The following PPP2R5A variants were observed in gnomAD, a reference collection of about 807,000 sequenced individuals.
The protein encoded by PPP2R5A is protein phosphatase 2 regulatory subunit B'alpha, also known as serine/threonine-protein phosphatase 2A 56 kDa regulatory subunit alpha isoform.
Under a neutral mutation model 64.2 loss-of-function variants are expected in PPP2R5A, and 25 were observed. The ratio of observed to expected loss-of-function variants is 0.39; its 90% CI spans 0.28 to 0.54. PPP2R5A has a LOEUF of 0.54. Among genes scored for constraint, PPP2R5A ranks in the 20% least tolerant of loss-of-function variants. The pLI, the probability that PPP2R5A is intolerant of heterozygous loss-of-function variation, is 0.67. For missense variants in PPP2R5A, 425 were observed against 576.3 expected, an observed-to-expected ratio of 0.74 and a Z score of 2.69; for synonymous variants, 198 against 201.2, an observed-to-expected ratio of 0.98 and a Z score of 0.13.
chr1:212,321,141 C>T (rs1201474468), intron 1 of PPP2R5A, among the ~76,000 whole-genome samples: 7 of 115,494 alleles, frequency 6.1e-5, no homozygotes, highest in African/African-American at 1.3e-4. Context: ...TAGGGGCGGC[C>T]GGCAGAGGCG....
At chr1:212,320,911 C>T (rs1460822230) in intron 1 of PPP2R5A, among the ~76,000 whole-genome samples, 13 of 119,952 alleles carry the variant, frequency 1.1e-4, no homozygotes, top group East Asian at 5.5e-4. Flanking sequence ...CCTCACCTCC[C>T]GGACGGGGCG....
intron 1 of PPP2R5A, among the ~76,000 whole-genome samples, chr1:212,295,338 A>AT (rs1046576906): frequency 6.6e-6 from 1 of 152,232 alleles, no homozygotes; most frequent in Non-Finnish European, 1.5e-5. Context: ...ATAGCAGTTT[A>AT]TTGAAAGGGA....
At chr1:212,298,810 T>C (rs1571575415) in intron 1 of PPP2R5A, among the ~76,000 whole-genome samples, 1 of 30,248 alleles carries the variant, frequency 3.3e-5, no homozygotes, top group Non-Finnish European at 6.0e-5. Flanking sequence ...GGGTCCTCAC[T>C]TCCCAGTAGG....
intron 1 of PPP2R5A, among the ~76,000 whole-genome samples, chr1:212,314,046 G>T (rs900102999): frequency 6.6e-6 from 1 of 152,106 alleles, no homozygotes; most frequent in Non-Finnish European, 1.5e-5. Flanking sequence ...TACATTTCAA[G>T]AATGTTTTAT....
At position 212,347,526 on chromosome 1, in the gene PPP2R5A, G is replaced by A. The variant is rs1231351558; in HGVS notation, c.764+120G>A. The A allele has an allele frequency of 4.4e-6, 3 of 686,016 alleles. No homozygotes were observed. The African/African-American group carries it at 5.7e-5, about 13-fold the overall frequency. The allele number at this position is 686,016 out of a possible 1,614,324, so 42.5% of individuals were successfully genotyped here. On this transcript the variant is annotated intron_variant, in intron 6 of 12. Transcript: ENST00000261461. ...TTAGAGTTTAAATGTAGAACACATAGTTTCTCAACTGAAGTCTTTTTTTTT... is the reference window on the plus strand; with the variant it reads ...TTAGAGTTTAAATGTAGAACACATAATTTCTCAACTGAAGTCTTTTTTTTT...
At chr1:212,322,246 AGGGAGAGGGAGAGGGAGAG>A (rs1659317279) in intron 1 of PPP2R5A, among the ~76,000 whole-genome samples, 1 of 94,148 alleles carries the variant, frequency 1.1e-5, no homozygotes, top group Non-Finnish European at 2.0e-5. Flanking sequence ...GAGGGAGAGG[AGGGAGAGGGAGAGGGAGAG>A]GAGGGAGAGG....
At chr1:212,317,089 A>T (rs570061423) in intron 1 of PPP2R5A, among the ~76,000 whole-genome samples, 5 of 152,236 alleles carry the variant, frequency 3.3e-5, no homozygotes, top group South Asian at 2.1e-4. Flanking sequence ...CCTTGCCTGT[A>T]TTCCCCCTTT....
chr1:212,355,269 T>C (rs1659958845), intron 8 of PPP2R5A, among the ~76,000 whole-genome samples: 1 of 152,162 alleles, frequency 6.6e-6, no homozygotes, highest in African/African-American at 2.4e-5. Context: ...CTACTCACTC[T>C]AGTAACTTGC....
At chr1:212,342,042 T>C (rs1659694272) in intron 3 of PPP2R5A, 146 bp from the exon 4 acceptor site, 7 of 1,220,098 alleles carry the variant, frequency 5.7e-6, no homozygotes, top group Non-Finnish European at 7.6e-6. Context: ...AAAAAAATTT[T>C]TTTTATCAAC....
intron 12 of PPP2R5A, among the ~76,000 whole-genome samples, chr1:212,359,396 C>T (rs1345141610): frequency 6.6e-6 from 1 of 152,126 alleles, no homozygotes; most frequent in Non-Finnish European, 1.5e-5. Flanking sequence ...GTTGTCCTTG[C>T]AATAATATGT....
chr1:212,300,348 T>C (rs1478624772), intron 1 of PPP2R5A, among the ~76,000 whole-genome samples: 7 of 152,254 alleles, frequency 4.6e-5, no homozygotes, highest in Admixed American at 6.5e-5. Flanking sequence ...ATACTTGCTG[T>C]GAGTCATCAG....
chr1:212,299,616 T>A (rs1658763130), intron 1 of PPP2R5A: 1 of 152,240 alleles, frequency 6.6e-6, no homozygotes, highest in African/African-American at 2.4e-5. Context: ...TGACTGATTT[T>A]ATTCTTCCAC....
At chr1:212,332,273 C>G (rs951102782) in intron 2 of PPP2R5A, among the ~76,000 whole-genome samples, 1 of 152,220 alleles carries the variant, frequency 6.6e-6, no homozygotes, top group Admixed American at 6.5e-5. Flanking sequence ...GATGCCACTT[C>G]ATAAGAATAG....
chr1:212,353,902 G>T (rs1041526226), intron 8 of PPP2R5A, among the ~76,000 whole-genome samples: 1 of 151,986 alleles, frequency 6.6e-6, no homozygotes, highest in Non-Finnish European at 1.5e-5. Context: ...AACAGGCTAC[G>T]GGCCGGGCGC....
intron 8 of PPP2R5A, among the ~76,000 whole-genome samples, chr1:212,353,440 GATC>G (rs1353786637): frequency 6.6e-5 from 10 of 152,176 alleles, no homozygotes; most frequent in Non-Finnish European, 1.3e-4. Context: ...AAGCTCATGA[GATC>G]ATCATAGAAG....
chr1:212,350,825 G>A (rs976538393), intron 8 of PPP2R5A, among the ~76,000 whole-genome samples: 2 of 151,546 alleles, frequency 1.3e-5, no homozygotes, highest in South Asian at 2.1e-4. Context: ...AAGGAAGACA[G>A]GTGATTTATT....
At chr1:212,307,835 T>C (rs1041261250) in intron 1 of PPP2R5A, among the ~76,000 whole-genome samples, 1 of 152,164 alleles carries the variant, frequency 6.6e-6, no homozygotes, top group Non-Finnish European at 1.5e-5. Context: ...CATTTTGCCT[T>C]CATATTTTAA....
At chr1:212,339,455 G>C (rs1462711336) in intron 3 of PPP2R5A, among the ~76,000 whole-genome samples, 1 of 152,160 alleles carries the variant, frequency 6.6e-6, no homozygotes. Flanking sequence ...GGGATTACAG[G>C]TGTGAGCCAC....
intron 1 of PPP2R5A, among the ~76,000 whole-genome samples, chr1:212,320,668 G>C (rs4622135): frequency 0.73 from 89,505 of 122,656 alleles, 31,860 homozygotes; most frequent in African/African-American, 0.9. Context: ...GGATGGGGCG[G>C]CTGGCCGGGC....
Sources: gnomAD v4.1 joint callset for allele counts (sites outside exome capture counted in the v4.1 genomes callset) on GRCh38, gnomAD v4.1.1 for gene constraint, MANE v1.5 for transcripts, NCBI Gene and HGNC (gene_info 2026-07-23, HGNC 2026-07-21) for gene names.